SAP30BP: variants seen among roughly 807,000 people sequenced by gnomAD.
SAP30BP encodes the protein SAP30 binding protein.
In SAP30BP, 31 loss-of-function variants were observed where a neutral mutation model predicts 46.3. That is an observed-to-expected ratio of 0.67 (90% CI 0.50 to 0.90). SAP30BP has a LOEUF of 0.90. Among genes scored for constraint, SAP30BP ranks in the 40% least tolerant of loss-of-function variants. The probability of loss-of-function intolerance (pLI) is 0.00; values close to 1 mark genes in which losing one functional copy is unlikely to be tolerated. For missense variants in SAP30BP, 312 were observed against 391.0 expected, an observed-to-expected ratio of 0.80 and a Z score of 1.70; for synonymous variants, 169 against 144.2, an observed-to-expected ratio of 1.17 and a Z score of -1.23.
chr17:75,681,346 G>A (rs575509482), intron 3 of SAP30BP, among the ~76,000 whole-genome samples: 24 of 152,262 alleles, frequency 1.6e-4, no homozygotes, highest in Non-Finnish European at 2.8e-4. Context: ...GGCCCAGCCG[G>A]GTGAGTGGTT....
intron 6 of SAP30BP, 55 bp downstream of exon 6, chr17:75,702,626 A>G: frequency 1.2e-6 from 1 of 836,530 alleles, no homozygotes; most frequent in East Asian, 2.6e-5. Flanking sequence ...TGGACTAAGG[A>G]CTAAGACGTC....
intron 3 of SAP30BP, among the ~76,000 whole-genome samples, chr17:75,676,765 A>G (rs899235726): frequency 1.3e-5 from 2 of 152,236 alleles, no homozygotes; most frequent in African/African-American, 2.4e-5. Context: ...TCACATTCGC[A>G]TAGCTTTTAT....
chr17:75,696,503 C>T (rs2060321242), intron 4 of SAP30BP, among the ~76,000 whole-genome samples: 1 of 150,968 alleles, frequency 6.6e-6, no homozygotes, highest in African/African-American at 2.4e-5. Context: ...GAGATAACAC[C>T]ATTGCACTCC....
At chr17:75,699,471 C>T (rs1037651773) in intron 4 of SAP30BP, among the ~76,000 whole-genome samples, 3 of 149,826 alleles carry the variant, frequency 2.0e-5, no homozygotes, top group Non-Finnish European at 4.4e-5. Context: ...GGAGTATAGG[C>T]GTGAGCCACC....
intron 3 of SAP30BP, among the ~76,000 whole-genome samples, chr17:75,681,884 G>C (rs549190505): frequency 1.3e-5 from 2 of 152,244 alleles, no homozygotes; most frequent in Admixed American, 6.5e-5. Flanking sequence ...TATGTGATGT[G>C]GTATGAGATA....
Position 75,706,771 on chromosome 17 carries a change from C to G in SAP30BP, c.*250C>G. On this transcript the variant is annotated 3_prime_UTR_variant, in exon 11 of 11. Transcript: ENST00000584667. This position sits in a 1 kb window ranked among gnomAD's most constrained non-coding sequence, Gnocchi z 4.6. ...GCCGTATTCTTACCTCTTGGCATCT[C>G]AGATGCACTGGCCTCTCCTGCATTC... The G allele has an allele frequency of 1.9e-6, 1 of 539,634 alleles. No individual in the cohort carries two copies. Among genetic ancestry groups the G allele is most frequent in the Non-Finnish European group, 3.3e-6 (1 of 301,450 alleles). 33.4% of individuals were successfully genotyped at this position (539,634 alleles called of 1,614,324 possible).
chr17:75,671,880 G>A lies in SAP30BP; in HGVS notation c.264+17G>A, dbSNP rs754898094. On this transcript the variant is annotated intron_variant, in intron 3 of 10. Coordinates refer to ENST00000584667, the MANE Select transcript of SAP30BP (RefSeq NM_013260.8). Reference sequence around the variant, plus strand: ...GACCCAAAGGTATTTGGTGTTGGCTGTGGTGGGTGGCTGGATGCAAACAAG... The same window carrying A: ...GACCCAAAGGTATTTGGTGTTGGCTATGGTGGGTGGCTGGATGCAAACAAG... The A allele has an allele frequency of 1.2e-6, 2 of 1,609,714 alleles. No individual in the cohort carries two copies. Among genetic ancestry groups the A allele is most frequent in the East Asian group, 2.2e-5 (1 of 44,872 alleles).
Position 75,667,406 on chromosome 17 carries a change from G to A in SAP30BP, c.34G>A (p.Ala12Thr). Residue 12 changes from alanine to threonine, a missense_variant, in exon 1 of 11, where the codon GCA (alanine) becomes ACA (threonine). Transcript: ENST00000584667. ...AGKKNVLSSLAVYAEDSEPES... is the reference protein window; with the variant it reads ...AGKKNVLSSLTVYAEDSEPES... ...GAAGAAGAATGTTCTGTCGTCTCTC[G>A]CAGTTTACGCGGAAGATTCAGAGCC... is the stretch of plus-strand genomic sequence containing the variant. The A allele has an allele frequency of 6.2e-7, 1 of 1,614,200 alleles. No individual in the cohort carries two copies. Among genetic ancestry groups the A allele is most frequent in the Non-Finnish European group, 8.5e-7 (1 of 1,180,040 alleles).
intron 3 of SAP30BP, among the ~76,000 whole-genome samples, chr17:75,686,255 C>A (rs180834656): frequency 6.6e-6 from 1 of 152,062 alleles, no homozygotes; most frequent in South Asian, 2.1e-4. Flanking sequence ...CAGTGGCTCA[C>A]GCCTGTAATC....
chr17:75,693,655 C>T (rs1017228444), intron 4 of SAP30BP, among the ~76,000 whole-genome samples, 173 bp downstream of exon 4: 10 of 152,188 alleles, frequency 6.6e-5, no homozygotes, highest in African/African-American at 2.2e-4. Context: ...GTGAGACGTC[C>T]AGGGAACAGT....
chr17:75,670,335 A>G (rs1010876667), intron 2 of SAP30BP, among the ~76,000 whole-genome samples: 1 of 152,038 alleles, frequency 6.6e-6, no homozygotes, highest in Non-Finnish European at 1.5e-5. Context: ...AAAAAAAAAA[A>G]TTATTTCCAC....
chr17:75,696,261 G>A (rs570223662), intron 4 of SAP30BP, among the ~76,000 whole-genome samples: 18 of 152,190 alleles, frequency 1.2e-4, no homozygotes, highest in African/African-American at 3.6e-4. Flanking sequence ...TCAGCTGGTC[G>A]CAGTGGCTCA....
At chr17:75,700,860 T>C (rs1158628950) in intron 5 of SAP30BP, among the ~76,000 whole-genome samples, 1 of 152,244 alleles carries the variant, frequency 6.6e-6, no homozygotes, top group Non-Finnish European at 1.5e-5. Context: ...GCCTCCTCTT[T>C]AGACCCTCCT....
intron 4 of SAP30BP, among the ~76,000 whole-genome samples, chr17:75,698,109 G>A (rs761557921): frequency 1.3e-4 from 20 of 152,324 alleles, no homozygotes; most frequent in Admixed American, 5.9e-4. Flanking sequence ...AACAAATAGC[G>A]CATTGTCCCA....
chr17:75,702,461 C>G lies in SAP30BP; in HGVS notation c.397-19C>G, dbSNP rs201038663. On this transcript the variant is annotated intron_variant, in intron 5 of 10. Transcript: ENST00000584667. Reference sequence around the variant, plus strand: ...GCTTCTGTCATACACCCCCCCACCCCCTCTGCTCCTCTTCACAGGACAAGA... The same window carrying G: ...GCTTCTGTCATACACCCCCCCACCCGCTCTGCTCCTCTTCACAGGACAAGA... 8.8e-4 allele frequency: 1,079 copies of G among 1,225,474 alleles called. 6 individuals carry two copies. The highest frequency in any genetic ancestry group is 7.1e-3 in the Middle Eastern group (37 of 5,218). The allele number at this position is 1,225,474 out of a possible 1,614,324, so 75.9% of individuals were successfully genotyped here. A position where few individuals can be genotyped will look rare whatever the true frequency, so the allele number is the denominator to read the frequency against.
chr17:75,693,693 T>G (rs965115320), intron 4 of SAP30BP, among the ~76,000 whole-genome samples: 1 of 152,206 alleles, frequency 6.6e-6, no homozygotes, highest in Non-Finnish European at 1.5e-5. Flanking sequence ...ATTTGTGGTG[T>G]GTTTTAATGG....
rs558453976 is a variant in SAP30BP, at chr17:75,697,328, C to G, written c.308-2455C>G. 9.8e-4 allele frequency among the ~76,000 whole-genome samples: 149 copies of G among 152,336 alleles called. 1 individual carries two copies. The highest frequency in any genetic ancestry group is 2.1e-3 in the South Asian group (10 of 4,824). Reference sequence around the variant, plus strand: ...GCTTGTGAGATAGGACCAGCTCCCCCCAGCTGATTCCACTCTCCACCAGCT... The same window carrying G: ...GCTTGTGAGATAGGACCAGCTCCCCGCAGCTGATTCCACTCTCCACCAGCT... On this transcript the variant is annotated intron_variant, in intron 4 of 10. Coordinates refer to ENST00000584667, the MANE Select transcript of SAP30BP (RefSeq NM_013260.8).
chr17:75,680,419 G>T (rs1178543193), intron 3 of SAP30BP, among the ~76,000 whole-genome samples: 4 of 152,166 alleles, frequency 2.6e-5, no homozygotes, highest in Admixed American at 2.0e-4. Flanking sequence ...TGGACTTGTG[G>T]TCCGAAGACC....
In SAP30BP at chr17:75,706,183, G is replaced by A; in HGVS notation, c.745+91G>A. ...GGCGACAGACAGCACGTGGATCTGG[G>A]CCTGGGCTCAGCCTTGCTACTTTGA... On this transcript the variant is annotated intron_variant, in intron 10 of 10. Transcript: ENST00000584667. This position sits in a 1 kb window ranked among gnomAD's most constrained non-coding sequence, Gnocchi z 4.6. The A allele has an allele frequency of 6.4e-7, 1 of 1,561,656 alleles. No homozygotes were observed. The highest frequency in any genetic ancestry group is 8.6e-7 in the Non-Finnish European group (1 of 1,156,496).
Sources: allele counts gnomAD v4.1 joint callset (sites outside exome capture counted in the v4.1 genomes callset), GRCh38; gene constraint gnomAD v4.1.1; non-coding constraint Gnocchi (gnomAD v3.1); transcripts MANE v1.5; gene names NCBI Gene and HGNC (gene_info 2026-07-23, HGNC 2026-07-21).